Variants in ABCC1 observed in about 807,000 individuals in gnomAD.
The protein encoded by ABCC1 is multidrug resistance-associated protein 1.
ABCC1 carries 83 observed loss-of-function variants against 172.9 expected under a neutral mutation model. That is an observed-to-expected ratio of 0.48 (90% CI 0.40 to 0.58). The LOEUF is 0.58. ABCC1 is among the 20% of genes least tolerant of loss of function. ABCC1 has a pLI of 0.00. For missense variants in ABCC1, 1,817 were observed against 2,002.7 expected, an observed-to-expected ratio of 0.91 and a Z score of 1.77; for synonymous variants, 937 against 825.2, an observed-to-expected ratio of 1.14 and a Z score of -2.32.
intron 18 of ABCC1, among the ~76,000 whole-genome samples, chr16:16,088,927 T>G (rs903803881): frequency 2.6e-5 from 4 of 152,144 alleles, no homozygotes; most frequent in African/African-American, 9.7e-5. Flanking sequence ...CAGGCTGGTT[T>G]CAAACTCTTG....
intron 21 of ABCC1, among the ~76,000 whole-genome samples, chr16:16,107,442 A>C (rs1258123528): frequency 6.6e-6 from 1 of 152,034 alleles, no homozygotes; most frequent in Non-Finnish European, 1.5e-5. Context: ...GAAACTTGCT[A>C]CCTTGCCCAG....
chr16:16,037,679 A>C (rs1179853898), intron 7 of ABCC1, among the ~76,000 whole-genome samples: 2 of 152,126 alleles, frequency 1.3e-5, no homozygotes, highest in East Asian at 3.9e-4. Flanking sequence ...AGTGTGGTGC[A>C]TTGGATTCCC....
At chr16:16,051,890 A>G (rs12445600) in intron 10 of ABCC1, among the ~76,000 whole-genome samples, 40,545 of 152,060 alleles carry the variant, frequency 0.27, 5,521 homozygotes, top group Middle Eastern at 0.34. Context: ...AGGAAAAGCA[A>G]TCAGGTGGTC....
intron 22 of ABCC1, 57 bp downstream of exon 22, chr16:16,111,639 A>T: frequency 1.3e-6 from 2 of 1,498,092 alleles, no homozygotes; most frequent in East Asian, 2.4e-5. Flanking sequence ...GGCTTTGTCT[A>T]ATTATAGAAA....
chr16:16,131,894 G>T lies in ABCC1; in HGVS notation c.3925G>T (p.Val1309Phe), dbSNP rs759668292. Residue 1309 changes from valine (V) to phenylalanine (F), a missense_variant, in exon 27 of 31, where the codon GTT becomes TTT. This residue lies in a region of ABCC1 where 1,412 missense variants were observed against 1,600.3 expected (regional missense o/e 0.88). Transcript: ENST00000399410. The stretch of plus-strand genomic sequence containing the variant: ...GCGCTACCGAGAGGACCTGGACTTC[G>T]TTCTCAGGCACATCAATGTCACGAT... ...CLRYREDLDF[V>F]LRHINVTING... 1 of 1,614,124 alleles carries T rather than the reference G, an allele frequency of 6.2e-7. No homozygotes were observed. Among genetic ancestry groups the T allele is most frequent in the Non-Finnish European group, 8.5e-7 (1 of 1,180,002 alleles).
chr16:15,995,027 A>G (rs1783230869), intron 1 of ABCC1, among the ~76,000 whole-genome samples: 1 of 150,776 alleles, frequency 6.6e-6, no homozygotes, highest in Admixed American at 6.7e-5. Flanking sequence ...GGTACTTGCG[A>G]GGCTGAGGCA....
At chr16:16,095,590 T>G (rs1430774644) in intron 19 of ABCC1, among the ~76,000 whole-genome samples, 2 of 152,224 alleles carry the variant, frequency 1.3e-5, no homozygotes, top group African/African-American at 4.8e-5. Context: ...CCCTGTGTGC[T>G]CCGACTTCAC....
At chr16:16,033,922 G>C (rs1256215134) in intron 6 of ABCC1, among the ~76,000 whole-genome samples, 1 of 151,280 alleles carries the variant, frequency 6.6e-6, no homozygotes, top group Non-Finnish European at 1.5e-5. Context: ...ACCATGCCCA[G>C]CTACCTTCTG....
In ABCC1 at chr16:15,990,507, A is replaced by AT. The variant is rs2046835449; in HGVS notation, c.49-17307dup. ...CCACCACCAGCTCCTTGCAACTACC[A>AT]TTCTGTTCTCTGCTTCTATGAGTTT... On this transcript the variant is annotated intron_variant, in intron 1 of 30. Coordinates refer to ENST00000399410, the MANE Select transcript of ABCC1 (RefSeq NM_004996.4). Among the ~76,000 whole-genome samples the AT allele has an allele frequency of 2.0e-5, 3 of 152,052 alleles. No individual in the cohort carries two copies. The South Asian group carries it at 6.2e-4, about 32-fold the overall frequency.
At chr16:15,950,829 A>T (rs1425416336) in intron 1 of ABCC1, among the ~76,000 whole-genome samples, 1 of 152,138 alleles carries the variant, frequency 6.6e-6, no homozygotes, top group Non-Finnish European at 1.5e-5. Flanking sequence ...GCTTCCAAAA[A>T]TACTTTCTTG....
At chr16:16,060,615 C>T (rs1291495970) in intron 12 of ABCC1, among the ~76,000 whole-genome samples, 1 of 151,994 alleles carries the variant, frequency 6.6e-6, no homozygotes, top group African/African-American at 2.4e-5. Flanking sequence ...CTCCATCTCC[C>T]AGTTCAAGCA....
chr16:15,990,412 C>T (rs1042393074), intron 1 of ABCC1, among the ~76,000 whole-genome samples: 22 of 152,086 alleles, frequency 1.4e-4, no homozygotes, highest in Non-Finnish European at 2.6e-4. Flanking sequence ...TACAGTAGAC[C>T]GTAGGACTGA....
intron 12 of ABCC1, among the ~76,000 whole-genome samples, chr16:16,061,760 T>C (rs2049923567): frequency 6.8e-6 from 1 of 147,984 alleles, no homozygotes; most frequent in Non-Finnish European, 1.5e-5. Flanking sequence ...ATGGCTTTTT[T>C]TTTCTTTTTT....
intron 6 of ABCC1, among the ~76,000 whole-genome samples, chr16:16,034,329 A>T (rs539446247): frequency 5.3e-5 from 8 of 152,070 alleles, no homozygotes; most frequent in Non-Finnish European, 1.2e-4. Context: ...GCCCGGTCTC[A>T]TCCTTGTCTT....
intron 5 of ABCC1, among the ~76,000 whole-genome samples, chr16:16,028,979 G>A (rs7192281): frequency 0.4 from 61,249 of 151,868 alleles, 13,964 homozygotes; most frequent in Non-Finnish European, 0.52. Flanking sequence ...TCCTCCCCCT[G>A]GAGGTGCTGA....
At chr16:16,119,851 AAGG>A (rs1307880057) in intron 23 of ABCC1, among the ~76,000 whole-genome samples, 3 of 152,158 alleles carry the variant, frequency 2.0e-5, no homozygotes, top group Admixed American at 2.0e-4. Context: ...GTAAGAGAGG[AAGG>A]AGATGTGGTC....
intron 20 of ABCC1, among the ~76,000 whole-genome samples, chr16:16,104,051 G>A (rs987990583): frequency 6.6e-6 from 1 of 152,134 alleles, no homozygotes; most frequent in Admixed American, 6.6e-5. Context: ...GTCTGGAGTC[G>A]TTCGTTCCTC....
In ABCC1 at chr16:16,078,227, G is replaced by A. The variant is rs1352971442; in HGVS notation, c.1989-1125G>A. ...AAAAATAAAAGCACATTCCATATAA[G>A]TGAGTCCAGCAAAGGTTTGGATGTG... On this transcript the variant is annotated intron_variant, in intron 15 of 30. Coordinates refer to ENST00000399410, the MANE Select transcript of ABCC1 (RefSeq NM_004996.4). Among the ~76,000 whole-genome samples the A allele has an allele frequency of 2.0e-5, 3 of 152,076 alleles. No individual in the cohort carries two copies. In the East Asian group the frequency reaches 5.8e-4, roughly 29 times the overall value.
At chr16:16,018,727 A>G (rs1172677582) in intron 5 of ABCC1, among the ~76,000 whole-genome samples, 1 of 151,608 alleles carries the variant, frequency 6.6e-6, no homozygotes, top group Non-Finnish European at 1.5e-5. Context: ...CGGTAGTCAT[A>G]GGCATGTATA....
Sources: allele counts gnomAD v4.1 joint callset (sites outside exome capture counted in the v4.1 genomes callset), GRCh38; gene constraint gnomAD v4.1.1; regional missense constraint gnomAD v4.1.1; transcripts MANE v1.5; gene names NCBI Gene and HGNC (gene_info 2026-07-23, HGNC 2026-07-21).